DGKK: variants seen among roughly 807,000 people sequenced by gnomAD.
DGKK encodes the protein 142 kDa diacylglycerol kinase.
In DGKK, 35 loss-of-function variants were observed where a neutral mutation model predicts 92.2. That is an observed-to-expected ratio of 0.38 (90% CI 0.29 to 0.50). The LOEUF is 0.50. DGKK is among the 20% of genes least tolerant of loss of function. DGKK has a pLI of 0.92. For synonymous variants in DGKK, 368 were observed against 360.6 expected (o/e 1.02, Z -0.23); for missense variants, 910 against 992.2 (o/e 0.92, Z 1.11).
intron 1 of DGKK, among the ~76,000 whole-genome samples, chrX:50,433,875 C>T (rs1182882666): frequency 9.0e-6 from 1 of 111,526 alleles, no homozygotes; most frequent in African/African-American, 3.3e-5. Flanking sequence ...ACCAGGGTAA[C>T]TTGGACCCTG....
intron 1 of DGKK, among the ~76,000 whole-genome samples, chrX:50,440,668 C>T (rs371241339): frequency 1.6e-4 from 18 of 111,247 alleles, no homozygotes; most frequent in East Asian, 5.7e-4. Context: ...TAAAAAAATC[C>T]GTCTCTTTGC....
intron 18 of DGKK, among the ~76,000 whole-genome samples, chrX:50,380,563 A>C (rs979135997): frequency 4.5e-5 from 5 of 111,215 alleles, no homozygotes; most frequent in African/African-American, 9.8e-5. Context: ...CCATATACTA[A>C]ATGCCTAATT....
intron 24 of DGKK, 134 bp downstream of exon 24, chrX:50,375,890 C>T (rs1163103528): frequency 9.0e-6 from 7 of 778,722 alleles, no homozygotes; most frequent in African/African-American, 2.1e-5. Context: ...CCTGCCTTCC[C>T]GTCCACTCTC....
chrX:50,441,567 C>T (rs1926173310), intron 1 of DGKK, among the ~76,000 whole-genome samples: 1 of 111,699 alleles, frequency 9.0e-6, no homozygotes, highest in African/African-American at 3.2e-5. Context: ...ACACGTTTTC[C>T]ATGATGCTTA....
At chrX:50,462,393 T>A (rs1239966898) in intron 1 of DGKK, among the ~76,000 whole-genome samples, 1 of 105,751 alleles carries the variant, frequency 9.5e-6, no homozygotes, top group Non-Finnish European at 1.9e-5. Flanking sequence ...GTGAGTGCTT[T>A]TTTTTTTTTT....
chrX:50,372,030 G>GT (rs1924145659), intron 25 of DGKK, among the ~76,000 whole-genome samples, 196 bp from the exon 26 acceptor site: 2 of 111,145 alleles, frequency 1.8e-5, no homozygotes, highest in Non-Finnish European at 3.8e-5. Context: ...GGCTCTCCTT[G>GT]GGGCTGGGCA....
intron 1 of DGKK, among the ~76,000 whole-genome samples, chrX:50,467,397 T>G (rs782582500): frequency 8.9e-6 from 1 of 112,935 alleles, no homozygotes; most frequent in Admixed American, 9.3e-5. Context: ...ACAATACCAG[T>G]CAACAAAATT....
chrX:50,424,165 T>A (rs1925676008), intron 2 of DGKK, 83 bp downstream of exon 2: 3 of 880,475 alleles, frequency 3.4e-6, no homozygotes, highest in Non-Finnish European at 4.8e-6. Flanking sequence ...TGCTGACATG[T>A]CTTTACTTAT....
chrX:50,404,168 T>C lies in DGKK; in HGVS notation c.959A>G (p.Asn320Ser). ...ATGCATTCCAACAAGAAAAGGGTTGTTTTCTGCTGCAGGTATCTAAAATAA... is the reference window on the plus strand; with the variant it reads ...ATGCATTCCAACAAGAAAAGGGTTGCTTTCTGCTGCAGGTATCTAAAATAA... ...GEIYKIPAAENNPFLVGMHCW... is the reference protein window; with the variant it reads ...GEIYKIPAAESNPFLVGMHCW... Residue 320 changes from asparagine to serine, a missense_variant, in exon 5 of 28, where the codon AAC becomes AGC. Asn to Ser is a conservative substitution (Grantham distance 46, BLOSUM62 1). Coordinates refer to ENST00000611977, the MANE Select transcript of DGKK (RefSeq NM_001013742.4). 1.7e-6 allele frequency: 2 copies of C among 1,207,487 alleles called. No homozygotes were observed. The highest frequency in any genetic ancestry group is 5.9e-5 in the East Asian group (2 of 33,751).
chrX:50,389,952 T>C (rs1557225369), intron 12 of DGKK, among the ~76,000 whole-genome samples: 1 of 111,592 alleles, frequency 9.0e-6, no homozygotes, highest in African/African-American at 3.3e-5. Context: ...CTTCCTGCTA[T>C]GTGTTCCCAA....
intron 18 of DGKK, among the ~76,000 whole-genome samples, chrX:50,381,997 C>G (rs1924425332): frequency 1.8e-5 from 2 of 111,502 alleles, no homozygotes. Flanking sequence ...CTGACTTAGG[C>G]CTTGTCTGAA....
chrX:50,416,194 C>T (rs1413410069), intron 4 of DGKK, among the ~76,000 whole-genome samples: 1 of 111,876 alleles, frequency 8.9e-6, no homozygotes, highest in Non-Finnish European at 1.9e-5. Flanking sequence ...ACTCTACAGC[C>T]TCCAGAAGTG....
intron 25 of DGKK, among the ~76,000 whole-genome samples, chrX:50,374,594 C>T (rs782724926): frequency 9.0e-6 from 1 of 111,349 alleles, no homozygotes; most frequent in Non-Finnish European, 1.9e-5. Flanking sequence ...TATTCCACAC[C>T]ACCTTCTCAT....
At chrX:50,466,138 T>G (rs782741796) in intron 1 of DGKK, among the ~76,000 whole-genome samples, 3 of 100,608 alleles carry the variant, frequency 3.0e-5, no homozygotes, top group Non-Finnish European at 5.9e-5. Context: ...TCTGAGAAAC[T>G]AAAGACCACT....
At position 50,379,969 on chromosome X, in the gene DGKK, T is replaced by C; in HGVS notation, c.2754+12A>G. On this transcript the variant is annotated intron_variant, in intron 19 of 27. Transcript: ENST00000611977. ...TCCATACCCAGGAAAGACTACCCGC[T>C]TTTCCACTAACCTCCAAATGCACTC... 1.7e-6 allele frequency: 2 copies of C among 1,204,697 alleles called. No homozygotes were observed. The highest frequency in any genetic ancestry group is 2.2e-6 in the Non-Finnish European group (2 of 889,033).
Position 50,384,723 on chromosome X carries a change from G to C in DGKK, c.2449C>G (p.Arg817Gly), listed in dbSNP as rs781876937. ...PEDINQTSPRRRSRRGTLSSI... is the reference protein window; with the variant it reads ...PEDINQTSPRGRSRRGTLSSI... ...AAGAAGACAGAAAGATCCTTACGGCGTCGTGGGCTTGTCTGGTTAATATCT... is the reference window on the plus strand; with the variant it reads ...AAGAAGACAGAAAGATCCTTACGGCCTCGTGGGCTTGTCTGGTTAATATCT... The change falls in exon 16 of 28, where the codon CGC (arginine) becomes GGC (glycine). Residue 817 changes from arginine to glycine, a missense_variant. Transcript: ENST00000611977. 1 of 1,207,339 alleles carries C rather than the reference G, an allele frequency of 8.3e-7. No individual in the cohort carries two copies. The highest frequency in any genetic ancestry group is 1.1e-6 in the Non-Finnish European group (1 of 892,298).
At chrX:50,369,165 G>A in intron 27 of DGKK, 146 bp from the exon 28 acceptor site, 1 of 419,237 alleles carries the variant, frequency 2.4e-6, no homozygotes, top group Non-Finnish European at 4.0e-6. Flanking sequence ...AATCATCAGG[G>A]AAAACCAGCT....
At chrX:50,462,164 ATTCT>A (rs1308591566) in intron 1 of DGKK, among the ~76,000 whole-genome samples, 2 of 111,408 alleles carry the variant, frequency 1.8e-5, no homozygotes, top group Admixed American at 1.9e-4. Flanking sequence ...TTGCCTCCTA[ATTCT>A]TTTTCTTTTG....
chrX:50,470,562 CGGAGCCGGT>C lies in DGKK; in HGVS notation c.108_116del (p.Ala38_Pro40del). 4 of 1,204,411 alleles carry C rather than the reference CGGAGCCGGT, an allele frequency of 3.3e-6. No homozygotes were observed. The highest frequency in any genetic ancestry group is 4.5e-6 in the Non-Finnish European group (4 of 893,383). On this transcript the variant is annotated inframe_deletion, in exon 1 of 28. Coordinates refer to ENST00000611977, the MANE Select transcript of DGKK (RefSeq NM_001013742.4). ...CGGAGAGCAGCGGCGGAGCCGGCGG[CGGAGCCGGT>C]GGTGGTGGCGGCGGCGGCCAAGGCG...
Sources: gnomAD v4.1 joint callset for allele counts (sites outside exome capture counted in the v4.1 genomes callset) on GRCh38, gnomAD v4.1.1 for gene constraint, MANE v1.5 for transcripts, NCBI Gene and HGNC (gene_info 2026-07-23, HGNC 2026-07-21) for gene names.